Variants in RFX1 observed in about 807,000 individuals in gnomAD.
The protein encoded by RFX1 is MHC class II regulatory factor RFX1.
A neutral mutation model predicts 119.6 loss-of-function variants in RFX1; 42 were observed. That is an observed-to-expected ratio of 0.35 (90% CI 0.27 to 0.45). RFX1 has a LOEUF of 0.45. RFX1 is among the 20% of genes least tolerant of loss of function. The pLI, the probability that RFX1 is intolerant of heterozygous loss-of-function variation, is 1.00. For synonymous variants in RFX1, 628 were observed against 618.5 expected, an observed-to-expected ratio of 1.02 and a Z score of -0.23; for missense variants, 1,118 against 1,368.1, an observed-to-expected ratio of 0.82 and a Z score of 2.88.
At position 13,980,740 on chromosome 19, in the gene RFX1, T is replaced by TCTGGGGTGGGCTCGCATCCTCC; in HGVS notation, c.622-52_622-51insGGAGGATGCGAGCCCACCCCAG. ...GCCGCTGGGGTGGGCTTGCATCCTC[T>TCTGGGGTGGGCTCGCATCCTCC]CTGAGGTGGGCTCACACACACACCC... On this transcript the variant is annotated intron_variant, in intron 5 of 20. Coordinates refer to ENST00000254325, the MANE Select transcript of RFX1 (RefSeq NM_002918.5). This position sits in a 1 kb window ranked among gnomAD's most constrained non-coding sequence, Gnocchi z 5.1. 1 of 1,372,608 alleles carries TCTGGGGTGGGCTCGCATCCTCC rather than the reference T, an allele frequency of 7.3e-7. No individual in the cohort carries two copies. The highest frequency in any genetic ancestry group is 1.0e-6 in the Non-Finnish European group (1 of 986,730). 85.0% of individuals were successfully genotyped at this position (1,372,608 alleles called of 1,614,324 possible). A position where few individuals can be genotyped will look rare whatever the true frequency, so the allele number is the denominator to read the frequency against.
chr19:14,004,906 T>C (rs10401504), intron 1 of RFX1, among the ~76,000 whole-genome samples: 6,482 of 152,220 alleles, frequency 0.043, 162 homozygotes, highest in Middle Eastern at 0.088. Context: ...AAGATTCTCC[T>C]CTCACAAACA....
Position 13,963,270 on chromosome 19 carries a change from A to G in RFX1, c.2576T>C (p.Met859Thr), listed in dbSNP as rs1278785640. ...GCGCAGGGTCAGGTCCCGGATCACCATGGAGCTGGGGATGGAGACGGAGAG... is the reference window on the plus strand; with the variant it reads ...GCGCAGGGTCAGGTCCCGGATCACCGTGGAGCTGGGGATGGAGACGGAGAG... ...FLLKWSFYSSMVIRDLTLRSA... is the reference protein window; with the variant it reads ...FLLKWSFYSSTVIRDLTLRSA... Residue 859 changes from methionine to threonine, a missense_variant, in exon 19 of 21, where the codon ATG becomes ACG. Met to Thr is a moderately conservative substitution (Grantham distance 81). Around this residue, in one of 5 missense-constraint regions of RFX1, gnomAD observed 32 missense variants for 71.5 expected, o/e 0.45. Coordinates refer to ENST00000254325, the MANE Select transcript of RFX1 (RefSeq NM_002918.5). 1 of 1,609,312 alleles carries G rather than the reference A, an allele frequency of 6.2e-7. No homozygotes were observed. Among genetic ancestry groups the G allele is most frequent in the South Asian group, 1.1e-5 (1 of 90,950 alleles).
chr19:13,979,422 T>G (rs760613556), intron 7 of RFX1, 25 bp downstream of exon 7: 35 of 1,479,528 alleles, frequency 2.4e-5, no homozygotes, highest in Non-Finnish European at 2.8e-5. Flanking sequence ...CCTTTGCCCG[T>G]GGGGTAGGAG....
At position 13,968,821 on chromosome 19, in the gene RFX1, G is replaced by A; in HGVS notation, c.1570C>T (p.Gln524Ter). The A allele has an allele frequency of 6.4e-7, 1 of 1,564,610 alleles. No individual in the cohort carries two copies. The highest frequency in any genetic ancestry group is 8.7e-7 in the Non-Finnish European group (1 of 1,154,592). ...TGGCCCCGCATGGCCATGTGCTGCTGGTCCTCCATCAGCCGCAGCAGGGGT... is the reference window on the plus strand; with the variant it reads ...TGGCCCCGCATGGCCATGTGCTGCTAGTCCTCCATCAGCCGCAGCAGGGGT... ...SSPLLRLMED[Q>*]QHMAMRGQPF... The change falls in exon 11 of 21, where the codon CAG (glutamine) becomes TAG (stop). Residue 524 changes from glutamine (Q) to a stop codon, truncating the protein, a stop_gained. Transcript: ENST00000254325. LOFTEE classifies it high-confidence loss of function. This position sits in a 1 kb window ranked among gnomAD's most constrained non-coding sequence, Gnocchi z 5.5.
intron 2 of RFX1, among the ~76,000 whole-genome samples, chr19:13,991,172 G>A (rs1018493817): frequency 6.6e-6 from 1 of 152,162 alleles, no homozygotes; most frequent in African/African-American, 2.4e-5. Flanking sequence ...CACCCCAGGA[G>A]CTGGGCAGGA....
At chr19:13,963,453 G>C (rs1243398125) in intron 18 of RFX1, 85 bp downstream of exon 18, 27 of 1,458,134 alleles carry the variant, frequency 1.9e-5, no homozygotes, top group Non-Finnish European at 2.4e-5. Flanking sequence ...TGCAGGCTCG[G>C]GTCGTCGTAG....
chr19:13,976,215 G>C (rs1974249654), intron 8 of RFX1, among the ~76,000 whole-genome samples: 1 of 152,236 alleles, frequency 6.6e-6, no homozygotes, highest in South Asian at 2.1e-4. Flanking sequence ...AGGCCCACTG[G>C]GGTCGGTCAG....
At chr19:14,001,964 T>C (rs1429134712) in intron 1 of RFX1, among the ~76,000 whole-genome samples, 1 of 152,174 alleles carries the variant, frequency 6.6e-6, no homozygotes, top group Non-Finnish European at 1.5e-5. Context: ...GGTGAAACCC[T>C]GTCTCTACTA....
At chr19:13,963,313 T>C (rs1419998948) in intron 18 of RFX1, 38 bp from the exon 19 acceptor site, 1 of 1,575,978 alleles carries the variant, frequency 6.3e-7, no homozygotes, top group East Asian at 2.3e-5. Context: ...TCAGGCCCCG[T>C]CCGGCCCGAC....
chr19:13,968,547 G>A lies in RFX1; in HGVS notation c.1732+18C>T, dbSNP rs199759676. The A allele has an allele frequency of 1.3e-4, 205 of 1,592,226 alleles. No homozygotes were observed. The East Asian group carries it at 4.1e-3, about 32-fold the overall frequency. On this transcript the variant is annotated intron_variant, in intron 12 of 20. Coordinates refer to ENST00000254325, the MANE Select transcript of RFX1 (RefSeq NM_002918.5). The surrounding 1 kb of genome is among the most constrained non-coding windows in gnomAD (Gnocchi z 5.5). ...AGGGAGGCGGTGGTTGGGGAAGCAC[G>A]GGCCAGGGAGCTCTCACCCAAAAAT...
intron 2 of RFX1, among the ~76,000 whole-genome samples, chr19:13,988,610 G>A (rs777300517): frequency 6.6e-6 from 1 of 152,218 alleles, no homozygotes; most frequent in Admixed American, 6.5e-5. Flanking sequence ...CCTCTAGGCT[G>A]TTCTGGGTCA....
rs963316927 is a variant in RFX1, at chr19:13,990,651, A to G, written c.319+2874T>C. 6.6e-6 allele frequency among the ~76,000 whole-genome samples: 1 copy of G among 152,126 alleles called. No individual in the cohort carries two copies. The highest frequency in any genetic ancestry group is 2.4e-5 in the African/African-American group (1 of 41,426). ...GCTAACACAGTGAAACCCCGTCTCTACTAAAAATACAAAAAATTAGCCAGG... is the reference window on the plus strand; with the variant it reads ...GCTAACACAGTGAAACCCCGTCTCTGCTAAAAATACAAAAAATTAGCCAGG... On this transcript the variant is annotated intron_variant, in intron 2 of 20. Coordinates refer to ENST00000254325, the MANE Select transcript of RFX1 (RefSeq NM_002918.5). The surrounding 1 kb of genome is among the most constrained non-coding windows in gnomAD (Gnocchi z 4.1).
In RFX1 at chr19:13,985,121, C is replaced by T. The variant is rs1017301421; in HGVS notation, c.320-1526G>A. Among the ~76,000 whole-genome samples the T allele has an allele frequency of 4.6e-5, 7 of 151,994 alleles. No individual in the cohort carries two copies. The highest frequency in any genetic ancestry group is 1.9e-4 in the East Asian group (1 of 5,186). ...AAGCAATCCACCTGCTTCCATCTCC[C>T]GAAGTGCCGGAATTACCGGCGTGAG... On this transcript the variant is annotated intron_variant, in intron 2 of 20. Coordinates refer to ENST00000254325, the MANE Select transcript of RFX1 (RefSeq NM_002918.5). The surrounding 1 kb of genome is among the most constrained non-coding windows in gnomAD (Gnocchi z 4.3).
At position 13,963,873 on chromosome 19, in the gene RFX1, G is replaced by T; in HGVS notation, c.2346C>A (p.Asp782Glu). The T allele has an allele frequency of 6.5e-7, 1 of 1,545,858 alleles. No homozygotes were observed. The highest frequency in any genetic ancestry group is 8.7e-7 in the Non-Finnish European group (1 of 1,147,062). The change falls in exon 17 of 21, where the codon GAC (aspartate) becomes GAA (glutamate). Residue 782 changes from aspartate (D) to glutamate (E), a missense_variant. Asp to Glu is a conservative substitution (Grantham distance 45, BLOSUM62 2). Coordinates refer to ENST00000254325, the MANE Select transcript of RFX1 (RefSeq NM_002918.5). ...NQMLSDLNRV[D>E]FANVQEQASW... ...CCGCGCTCACCTGCACGTTGGCGAA[G>T]TCCACGCGGTTGAGGTCGCTCAGCA...
intron 2 of RFX1, among the ~76,000 whole-genome samples, chr19:13,984,848 C>G (rs1389447294): frequency 6.6e-6 from 1 of 152,186 alleles, no homozygotes; most frequent in Admixed American, 6.5e-5. Context: ...AGACTCTGGA[C>G]AGCCAGAGAT....
At chr19:13,994,930 AT>A in intron 1 of RFX1, among the ~76,000 whole-genome samples, 6 of 116,956 alleles carry the variant, frequency 5.1e-5, no homozygotes, top group African/African-American at 1.3e-4. Flanking sequence ...ATATATATAT[AT>A]ATATATAATC....
At chr19:14,000,401 G>A (rs1006600587) in intron 1 of RFX1, among the ~76,000 whole-genome samples, 5 of 152,052 alleles carry the variant, frequency 3.3e-5, no homozygotes, top group Admixed American at 1.3e-4. Context: ...CAGGAGGATC[G>A]CTTGAGTCTG....
At chr19:13,995,672 G>A (rs1467906014) in intron 1 of RFX1, among the ~76,000 whole-genome samples, 4 of 152,082 alleles carry the variant, frequency 2.6e-5, no homozygotes, top group Non-Finnish European at 2.9e-5. Context: ...TCAACATGGC[G>A]AAACCCAGTC....
rs1368256370 is a variant in RFX1 at position 13,993,755 on chromosome 19, G to C, written c.89C>G (p.Pro30Arg). ...GGGTGCCGCTGGGGGTGGTGGCGGT[G>C]GCGGCTGGGGCTGGGCTTGTGGCGG... ...QAPPQAQPQP[P>R]PPPPPAAPQP... The change falls in exon 2 of 21, where the codon CCA becomes CGA. Residue 30 changes from proline (P) to arginine (R), a missense_variant. Around this residue, in one of 5 missense-constraint regions of RFX1, gnomAD observed 542 missense variants for 602.7 expected, o/e 0.90. Coordinates refer to ENST00000254325, the MANE Select transcript of RFX1 (RefSeq NM_002918.5). 6.3e-7 allele frequency: 1 copy of C among 1,597,754 alleles called. No individual in the cohort carries two copies. Among genetic ancestry groups the C allele is most frequent in the South Asian group, 1.1e-5 (1 of 89,418 alleles).
Sources: gnomAD v4.1 joint callset for allele counts (sites outside exome capture counted in the v4.1 genomes callset) on GRCh38, gnomAD v4.1.1 for gene constraint, gnomAD v4.1.1 regional missense constraint, Gnocchi (gnomAD v3.1) non-coding constraint, MANE v1.5 for transcripts, NCBI Gene and HGNC (gene_info 2026-07-23, HGNC 2026-07-21) for gene names.